The following TFG variants were observed in gnomAD, a reference collection of about 807,000 sequenced individuals.
The protein encoded by TFG is trafficking from ER to golgi regulator.
Under a neutral mutation model 51.4 loss-of-function variants are expected in TFG, and 22 were observed. The ratio of observed to expected loss-of-function variants is 0.43; its 90% CI spans 0.31 to 0.61. TFG has a LOEUF of 0.61. TFG is among the 20% of genes least tolerant of loss of function. The pLI is 0.12. For synonymous variants in TFG, 187 were observed against 165.6 expected (o/e 1.13, Z -0.99); for missense variants, 419 against 487.7 (o/e 0.86, Z 1.33).
chr3:100,728,139 T>C (rs1462507896), intron 3 of TFG, among the ~76,000 whole-genome samples: 2 of 152,142 alleles, frequency 1.3e-5, no homozygotes, highest in Non-Finnish European at 2.9e-5. Context: ...TGGCCCTGCA[T>C]ATATTTTTTT....
intron 6 of TFG, among the ~76,000 whole-genome samples, chr3:100,741,388 TA>T (rs756086157): frequency 1.2e-4 from 19 of 152,132 alleles, no homozygotes; most frequent in Non-Finnish European, 2.6e-4. Context: ...AATTTTTTTC[TA>T]AATGTTTAAA....
intron 2 of TFG, among the ~76,000 whole-genome samples, chr3:100,715,336 A>C (rs2095042693): frequency 6.6e-6 from 1 of 152,204 alleles, no homozygotes; most frequent in Non-Finnish European, 1.5e-5. Flanking sequence ...AGTATGAAGA[A>C]TCATATGGGA....
chr3:100,712,241 A>G (rs2095033307), intron 1 of TFG, among the ~76,000 whole-genome samples: 1 of 152,234 alleles, frequency 6.6e-6, no homozygotes, highest in Admixed American at 6.5e-5. Context: ...GCATTAATAT[A>G]TAATATTCAT....
chr3:100,716,629 G>A (rs954397018), intron 2 of TFG, among the ~76,000 whole-genome samples: 4 of 152,102 alleles, frequency 2.6e-5, no homozygotes, highest in Non-Finnish European at 4.4e-5. Context: ...GTTCTCCCTA[G>A]TGGCTGTACT....
At chr3:100,718,905 A>G (rs1207237738) in intron 2 of TFG, among the ~76,000 whole-genome samples, 2 of 152,168 alleles carry the variant, frequency 1.3e-5, no homozygotes, top group African/African-American at 4.8e-5. Context: ...TTCTGTTAGT[A>G]GAGTGGAGGG....
chr3:100,744,884 C>T lies in TFG; in HGVS notation c.773C>T (p.Pro258Leu), dbSNP rs752762145. Residue 258 changes from proline (P) to leucine (L), a missense_variant, in exon 7 of 8, where the codon CCG (proline) becomes CTG (leucine). Coordinates refer to ENST00000240851, the MANE Select transcript of TFG (RefSeq NM_006070.6). Reference protein sequence around the residue: ...QQQAGYGAQQPQAPPQQPQQY... With the variant: ...QQQAGYGAQQLQAPPQQPQQY... ...CAGGCCGGCTATGGTGCACAGCAGC[C>T]GCAGGCTCCACCTCAGCAGCCTCAA... is the stretch of plus-strand genomic sequence containing the variant. 14 of 1,613,422 alleles carry T rather than the reference C, an allele frequency of 8.7e-6. No individual in the cohort carries two copies. The highest frequency in any genetic ancestry group is 1.1e-5 in the South Asian group (1 of 91,008).
intron 6 of TFG, among the ~76,000 whole-genome samples, chr3:100,742,159 A>G (rs1341614309): frequency 6.6e-6 from 1 of 152,144 alleles, no homozygotes; most frequent in African/African-American, 2.4e-5. Context: ...TTTTCAGAAT[A>G]CTGTGACAGT....
chr3:100,713,317 C>T (rs745985607), intron 1 of TFG, among the ~76,000 whole-genome samples: 7 of 151,774 alleles, frequency 4.6e-5, no homozygotes, highest in Non-Finnish European at 7.4e-5. Context: ...TTATACAACT[C>T]GAAGGAAGAT....
intron 3 of TFG, among the ~76,000 whole-genome samples, chr3:100,728,509 A>T (rs2095082179): frequency 6.6e-6 from 1 of 151,752 alleles, no homozygotes; most frequent in Admixed American, 6.6e-5. Context: ...TGGCATCAAG[A>T]AAGACTGATA....
At chr3:100,730,563 A>C (rs998112674) in intron 4 of TFG, among the ~76,000 whole-genome samples, 3 of 152,204 alleles carry the variant, frequency 2.0e-5, no homozygotes, top group Non-Finnish European at 4.4e-5. Context: ...GAAAACAAAA[A>C]CAACAAGAAA....
At chr3:100,732,383 TATTCCGAC>T in intron 4 of TFG, 117 bp from the exon 5 acceptor site, 2 of 559,708 alleles carry the variant, frequency 3.6e-6, no homozygotes, top group Non-Finnish European at 6.0e-6. Context: ...TGTAATCCTA[TATTCCGAC>T]ATGCTTAACA....
chr3:100,747,393 T>TC (rs1296790798), intron 7 of TFG: 5 of 152,632 alleles, frequency 3.3e-5, no homozygotes, highest in African/African-American at 1.2e-4. Flanking sequence ...TTCTTATGTA[T>TC]CTGGTATTTA....
chr3:100,741,310 G>A (rs2095120538), intron 6 of TFG, among the ~76,000 whole-genome samples: 2 of 152,072 alleles, frequency 1.3e-5, no homozygotes, highest in African/African-American at 4.8e-5. Flanking sequence ...GGATATGGAG[G>A]TGGAAAATAG....
chr3:100,710,382 G>A (rs2095027200), intron 1 of TFG: 1 of 152,264 alleles, frequency 6.6e-6, no homozygotes, highest in Non-Finnish European at 1.5e-5. Context: ...CGAATGTGAT[G>A]AAAGTGAGCC....
chr3:100,736,502 C>T, intron 5 of TFG, 74 bp from the exon 6 acceptor site: 2 of 1,534,110 alleles, frequency 1.3e-6, no homozygotes, highest in South Asian at 1.2e-5. Flanking sequence ...ATCTTTTAAC[C>T]AAACTTATTC....
At chr3:100,725,465 T>A (rs2095072532) in intron 3 of TFG, among the ~76,000 whole-genome samples, 2 of 151,106 alleles carry the variant, frequency 1.3e-5, no homozygotes, top group Admixed American at 6.6e-5. Context: ...TCTTAGTGGT[T>A]AGGAGCAAAG....
chr3:100,718,547 TG>T (rs2095052392), intron 2 of TFG, among the ~76,000 whole-genome samples: 1 of 126,906 alleles, frequency 7.9e-6, no homozygotes, highest in Admixed American at 9.2e-5. Context: ...TTGTATTTCA[TG>T]GTTTTTTTTT....
intron 2 of TFG, 140 bp from the exon 3 acceptor site, chr3:100,719,835 A>G (rs938252519): frequency 1.9e-6 from 1 of 527,866 alleles, no homozygotes; most frequent in Non-Finnish European, 3.3e-6. Context: ...TAGACCTTTA[A>G]AGTTTAAGGT....
chr3:100,728,870 A>G lies in TFG; in HGVS notation c.415+12A>G. The G allele has an allele frequency of 6.3e-7, 1 of 1,594,496 alleles. No individual in the cohort carries two copies. The highest frequency in any genetic ancestry group is 8.5e-7 in the Non-Finnish European group (1 of 1,172,422). ...TATTCCTGAAAATGGTAAACCCTGA[A>G]TCCATTGTATTCTGACTTATTGTTC... On this transcript the variant is annotated intron_variant, in intron 4 of 7. Coordinates refer to ENST00000240851, the MANE Select transcript of TFG (RefSeq NM_006070.6).
Sources: gnomAD v4.1 joint callset for allele counts (sites outside exome capture counted in the v4.1 genomes callset) on GRCh38, gnomAD v4.1.1 for gene constraint, MANE v1.5 for transcripts, NCBI Gene and HGNC (gene_info 2026-07-23, HGNC 2026-07-21) for gene names.